Variants in SCHIP1 observed in about 807,000 individuals in gnomAD.
SCHIP1 encodes schwannomin-interacting protein 1.
SCHIP1 carries 8 observed loss-of-function variants against 29.7 expected under a neutral mutation model. That is an observed-to-expected ratio of 0.27 (90% confidence interval 0.16 to 0.49). The LOEUF is 0.49. SCHIP1 is among the 20% of genes least tolerant of loss of function. The probability of loss-of-function intolerance (pLI) is 0.99; values close to 1 mark genes in which losing one functional copy is unlikely to be tolerated. For synonymous variants in SCHIP1, 76 were observed against 94.9 expected, an observed-to-expected ratio of 0.80 and a Z score of 1.16; for missense variants, 193 against 294.6, an observed-to-expected ratio of 0.66 and a Z score of 2.52.
the SCHIP1 span, among the ~76,000 whole-genome samples, chr3:159,494,592 T>C: frequency 2.6e-5 from 4 of 152,300 alleles, no homozygotes; most frequent in African/African-American, 9.6e-5. Flanking sequence ...TAACAGGCTC[T>C]GAAATTGAGG....
At position 159,866,245 on chromosome 3, in the gene SCHIP1, G is replaced by A. The variant is rs1714612385; in HGVS notation, c.113G>A (p.Ser38Asn). The stretch of plus-strand genomic sequence containing the variant: ...GATGATGGCCCAGGAATTTATACCA[G>A]CTGTAGCAAAAGTGGGAAGCCAAGC... The change falls in exon 2 of 7, where the codon AGC becomes AAC. Residue 38 changes from serine (S) to asparagine (N), a missense_variant. Coordinates refer to ENST00000445224, the Ensembl canonical transcript of SCHIP1. 4 of 1,613,606 alleles carry A rather than the reference G, an allele frequency of 2.5e-6. No homozygotes were observed. In the African/African-American group the frequency reaches 4.0e-5, roughly 16 times the overall value.
the SCHIP1 span, among the ~76,000 whole-genome samples, chr3:159,664,541 A>G: frequency 8.3e-4 from 127 of 152,226 alleles, 1 homozygote; most frequent in Non-Finnish European, 4.7e-4. Context: ...TATTAACATT[A>G]TAAGTTCAAT....
chr3:159,442,932 T>C, the SCHIP1 span, among the ~76,000 whole-genome samples: 1 of 152,214 alleles, frequency 6.6e-6, no homozygotes, highest in Non-Finnish European at 1.5e-5. Flanking sequence ...ATCCCAAGGC[T>C]TATGATTTTA....
the SCHIP1 span, among the ~76,000 whole-genome samples, chr3:159,325,674 G>GA: frequency 6.6e-6 from 1 of 151,812 alleles, no homozygotes; most frequent in African/African-American, 2.4e-5. Context: ...ATCACCCCTT[G>GA]AAAATTTCTT....
rs1019435801 is a variant in SCHIP1 at position 159,840,103 on chromosome 3, C to T, written c.-82C>T. 6.5e-6 allele frequency: 10 copies of T among 1,528,044 alleles called. No individual in the cohort carries two copies. The East Asian group carries it at 1.7e-4, about 26-fold the overall frequency. 94.7% of individuals were successfully genotyped at this position (1,528,044 alleles called of 1,614,324 possible). A position where few individuals can be genotyped will look rare whatever the true frequency, so the allele number is the denominator to read the frequency against. On this transcript the variant is annotated 5_prime_UTR_variant, in exon 1 of 7. Coordinates refer to ENST00000445224, the Ensembl canonical transcript of SCHIP1. Reference sequence around the variant, plus strand: ...GCCTTACCAGGGCGTTCTCTCCGCCCGCCGGTGGATGCTCCGCGCCTGCCC... The same window carrying T: ...GCCTTACCAGGGCGTTCTCTCCGCCTGCCGGTGGATGCTCCGCGCCTGCCC...
At chr3:159,349,263 GC>G in the SCHIP1 span, among the ~76,000 whole-genome samples, 1 of 152,186 alleles carries the variant, frequency 6.6e-6, no homozygotes, top group Non-Finnish European at 1.5e-5. Flanking sequence ...TGTCGTGCAA[GC>G]GATGTTCATA....
At chr3:159,594,188 C>A in the SCHIP1 span, among the ~76,000 whole-genome samples, 1 of 152,146 alleles carries the variant, frequency 6.6e-6, no homozygotes, top group Non-Finnish European at 1.5e-5. Context: ...GTTTACAAGG[C>A]GGAAGAAATG....
intron 1 of SCHIP1, among the ~76,000 whole-genome samples, chr3:159,862,656 T>C (rs1714183964): frequency 1.3e-5 from 2 of 152,158 alleles, no homozygotes; most frequent in African/African-American, 2.4e-5. Flanking sequence ...CTATAAAATG[T>C]TTAAAATTCT....
chr3:159,657,170 G>A, the SCHIP1 span, among the ~76,000 whole-genome samples: 2 of 152,138 alleles, frequency 1.3e-5, no homozygotes, highest in Admixed American at 1.3e-4. Flanking sequence ...AAGCTTCCAG[G>A]AGAGATGAAA....
the SCHIP1 span, among the ~76,000 whole-genome samples, chr3:159,827,758 TTGCGCCAC>T: frequency 1.3e-5 from 2 of 151,488 alleles, no homozygotes; most frequent in Non-Finnish European, 1.5e-5. Context: ...TGAGCCGAGA[TTGCGCCAC>T]TGCAGTCCGC....
At chr3:159,689,085 C>CT in the SCHIP1 span, among the ~76,000 whole-genome samples, 2 of 152,132 alleles carry the variant, frequency 1.3e-5, no homozygotes, top group East Asian at 3.9e-4. Flanking sequence ...GTATGGGCTC[C>CT]TTTTTGGTTC....
the SCHIP1 span, among the ~76,000 whole-genome samples, chr3:159,420,201 T>G: frequency 6.6e-6 from 1 of 152,136 alleles, no homozygotes; most frequent in African/African-American, 2.4e-5. Flanking sequence ...ACTATATAAA[T>G]GCTTCAGGGG....
chr3:159,314,563 T>C, the SCHIP1 span, among the ~76,000 whole-genome samples: 2 of 152,236 alleles, frequency 1.3e-5, no homozygotes, highest in Non-Finnish European at 2.9e-5. Context: ...TAGTTCACCT[T>C]CTACCTCTGG....
chr3:159,424,686 G>C, the SCHIP1 span, among the ~76,000 whole-genome samples: 1 of 152,118 alleles, frequency 6.6e-6, no homozygotes, highest in Non-Finnish European at 1.5e-5. Context: ...AGGAAATACA[G>C]AGAACGCCAC....
chr3:159,549,034 T>A, the SCHIP1 span, among the ~76,000 whole-genome samples: 1 of 152,150 alleles, frequency 6.6e-6, no homozygotes, highest in African/African-American at 2.4e-5. Flanking sequence ...TTAATGTTTT[T>A]GTTTTAGCAG....
the SCHIP1 span, among the ~76,000 whole-genome samples, chr3:159,398,464 T>C: frequency 6.6e-6 from 1 of 152,144 alleles, no homozygotes; most frequent in African/African-American, 2.4e-5. Flanking sequence ...GATTTTAATT[T>C]AGGAAATGAA....
the SCHIP1 span, among the ~76,000 whole-genome samples, chr3:159,804,043 A>T: frequency 2.0e-5 from 3 of 151,994 alleles, no homozygotes; most frequent in Non-Finnish European, 4.4e-5. Context: ...TAGTACAATG[A>T]CCCTTTTGAT....
the SCHIP1 span, among the ~76,000 whole-genome samples, chr3:159,684,870 GCTTC>G: frequency 6.7e-6 from 1 of 150,270 alleles, no homozygotes; most frequent in Non-Finnish European, 1.5e-5. Context: ...CACATTTAAG[GCTTC>G]CTTGTCAACA....
the SCHIP1 span, among the ~76,000 whole-genome samples, chr3:159,360,726 C>CAT: frequency 2.0e-5 from 3 of 151,380 alleles, no homozygotes; most frequent in African/African-American, 7.3e-5. Context: ...CTAATAAATG[C>CAT]TTTTTTTTTA....
Sources: gnomAD v4.1 joint callset for allele counts (sites outside exome capture counted in the v4.1 genomes callset) on GRCh38, gnomAD v4.1.1 for gene constraint, MANE v1.5 for transcripts, NCBI Gene and HGNC (gene_info 2026-07-23, HGNC 2026-07-21) for gene names.